SMCO2: variants seen among roughly 807,000 people sequenced by gnomAD.
SMCO2 encodes single-pass membrane protein with coiled-coil domains 2.
Under a neutral mutation model 29.5 loss-of-function variants are expected in SMCO2, and 25 were observed. That is an observed-to-expected ratio of 0.85 (90% CI 0.62 to 1.18). The LOEUF (loss-of-function observed/expected upper bound fraction) is 1.18, where lower values mean the gene tolerates loss of function less well. Among genes scored for constraint, SMCO2 ranks in the 50% most tolerant of loss-of-function variants. The probability of loss-of-function intolerance (pLI) is 0.00; values close to 1 mark genes in which losing one functional copy is unlikely to be tolerated. For synonymous variants in SMCO2, 117 were observed against 123.3 expected, an observed-to-expected ratio of 0.95 and a Z score of 0.34; for missense variants, 348 against 344.5, an observed-to-expected ratio of 1.01 and a Z score of -0.08.
intron 2 of SMCO2, 141 bp downstream of exon 2, chr12:27,470,906 C>A: frequency 1.9e-6 from 2 of 1,044,968 alleles, no homozygotes; most frequent in Non-Finnish European, 2.7e-6. Context: ...TAATTTTAAT[C>A]TCATGAATAT....
the SMCO2 span, among the ~76,000 whole-genome samples, chr12:27,454,410 T>C: frequency 7.2e-5 from 11 of 152,222 alleles, no homozygotes; most frequent in Non-Finnish European, 1.6e-4. Flanking sequence ...CTTTTTGTTT[T>C]AAAAGGACAC....
At chr12:27,463,966 G>A (rs1015675054), upstream of SMCO2, among the ~76,000 whole-genome samples, 2 of 152,184 alleles carry the variant, frequency 1.3e-5, no homozygotes, top group Non-Finnish European at 2.9e-5. Context: ...GGCAGAGCCT[G>A]AGGATGTCAG....
the SMCO2 span, among the ~76,000 whole-genome samples, chr12:27,439,909 G>A: frequency 0.059 from 9,008 of 152,190 alleles, 768 homozygotes; most frequent in African/African-American, 0.19. Flanking sequence ...CTGAGGAACA[G>A]CAAAAGGTAG....
chr12:27,495,813 C>T, exon 7 of SMCO2: 1 of 1,533,358 alleles, frequency 6.5e-7, no homozygotes, highest in Non-Finnish European at 8.8e-7. Context: ...CAGGCCCCAG[C>T]ATCCTTTTTA....
At position 27,472,384 on chromosome 12, in the gene SMCO2, G is replaced by A. The variant is rs180857106; in HGVS notation, c.135-392G>A. Among the ~76,000 whole-genome samples the A allele has an allele frequency of 3.9e-4, 60 of 152,112 alleles. 1 individual carries two copies. Among genetic ancestry groups the A allele is most frequent in the African/African-American group, 1.2e-3 (49 of 41,496 alleles). On this transcript the variant is annotated intron_variant, in intron 2 of 7. Transcript: ENST00000298876. ...CAGCTGGCGGGGTGGAGATCAAGAG[G>A]GCACTGTAGACCTACTCCTCTCTGC...
intron 5 of SMCO2, among the ~76,000 whole-genome samples, chr12:27,492,167 G>A (rs1266031028): frequency 1.3e-5 from 2 of 152,096 alleles, no homozygotes; most frequent in Non-Finnish European, 2.9e-5. Context: ...TGATGGGATT[G>A]TATTATACAT....
chr12:27,487,772 C>G (rs1488886221), intron 4 of SMCO2, among the ~76,000 whole-genome samples: 1 of 142,482 alleles, frequency 7.0e-6, no homozygotes, highest in East Asian at 2.0e-4. Context: ...TTTTTTTTGC[C>G]ATTGTGACAA....
chr12:27,447,835 G>A, the SMCO2 span, among the ~76,000 whole-genome samples: 1 of 151,750 alleles, frequency 6.6e-6, no homozygotes, highest in Non-Finnish European at 1.5e-5. Context: ...AGTAAAATTT[G>A]AGAAACTGTT....
chr12:27,462,391 A>G (rs1278546733), upstream of SMCO2, among the ~76,000 whole-genome samples: 3 of 152,050 alleles, frequency 2.0e-5, no homozygotes, highest in African/African-American at 7.2e-5. Context: ...TGATTTTATC[A>G]TTTTACTAAC....
chr12:27,501,440 AAC>A (rs1943076858), intron 7 of SMCO2, among the ~76,000 whole-genome samples: 4 of 148,044 alleles, frequency 2.7e-5, no homozygotes, highest in African/African-American at 1.0e-4. Flanking sequence ...AAAAAAAACA[AAC>A]AAACAAAACA....
At chr12:27,456,515 C>G in the SMCO2 span, among the ~76,000 whole-genome samples, 7 of 152,288 alleles carry the variant, frequency 4.6e-5, no homozygotes, top group African/African-American at 1.4e-4. Context: ...AACTCCTGGG[C>G]TCAAGCGATC....
the SMCO2 span, chr12:27,425,388 A>G: frequency 2.6e-5 from 4 of 152,108 alleles, no homozygotes; most frequent in African/African-American, 7.2e-5. Context: ...CTGTTACTAT[A>G]TATATTTCTG....
chr12:27,441,283 T>A, the SMCO2 span, among the ~76,000 whole-genome samples: 1 of 151,894 alleles, frequency 6.6e-6, no homozygotes, highest in South Asian at 2.1e-4. Context: ...AAAGAAGGCA[T>A]AGAGGAGCTG....
At chr12:27,470,871 T>G in intron 2 of SMCO2, 106 bp downstream of exon 2, 1 of 1,260,190 alleles carries the variant, frequency 7.9e-7, no homozygotes. Context: ...AGAGTCTAGG[T>G]TGACAGTCTT....
chr12:27,440,810 G>A, the SMCO2 span, among the ~76,000 whole-genome samples: 1 of 152,014 alleles, frequency 6.6e-6, no homozygotes, highest in Non-Finnish European at 1.5e-5. Flanking sequence ...AAAATAAAAA[G>A]CAACAATTTA....
the SMCO2 span, among the ~76,000 whole-genome samples, chr12:27,448,676 T>G: frequency 6.6e-6 from 1 of 152,170 alleles, no homozygotes; most frequent in African/African-American, 2.4e-5. Context: ...TATAATGTGG[T>G]TCAAGGTGAG....
At chr12:27,439,395 GC>G in the SMCO2 span, among the ~76,000 whole-genome samples, 4 of 152,126 alleles carry the variant, frequency 2.6e-5, no homozygotes, top group Non-Finnish European at 5.9e-5. Flanking sequence ...TGAAAAGGAG[GC>G]AGTGACTTGA....
the SMCO2 span, among the ~76,000 whole-genome samples, chr12:27,430,747 T>C: frequency 2.0e-5 from 3 of 152,132 alleles, no homozygotes; most frequent in African/African-American, 7.2e-5. Flanking sequence ...AATGTAAGCC[T>C]CCTAAGAATC....
chr12:27,477,631 A>C (rs74349465), intron 4 of SMCO2, among the ~76,000 whole-genome samples: 3 of 81,102 alleles, frequency 3.7e-5, no homozygotes, highest in South Asian at 4.1e-4. Context: ...ATTCTTTTTC[A>C]TTCTTTTTTT....
Sources: allele counts gnomAD v4.1 joint callset (sites outside exome capture counted in the v4.1 genomes callset), GRCh38; gene constraint gnomAD v4.1.1; transcripts MANE v1.5; gene names NCBI Gene and HGNC (gene_info 2026-07-23, HGNC 2026-07-21).